The following ITGBL1 variants were observed in gnomAD, a reference collection of about 807,000 sequenced individuals.
ITGBL1 encodes integrin subunit beta like 1.
ITGBL1 carries 51 observed loss-of-function variants against 68.5 expected under a neutral mutation model. That is an observed-to-expected ratio of 0.74 (90% CI 0.59 to 0.94). The LOEUF is 0.94. Ranked by LOEUF, ITGBL1 falls within the 40% of genes least tolerant of loss-of-function variation. ITGBL1 has a pLI of 0.00. For synonymous variants in ITGBL1, 209 were observed against 227.3 expected, an observed-to-expected ratio of 0.92 and a Z score of 0.72; for missense variants, 649 against 647.4, an observed-to-expected ratio of 1.00 and a Z score of -0.03.
At chr13:101,671,439 T>TG (rs2033365283) in intron 7 of ITGBL1, among the ~76,000 whole-genome samples, 1 of 93,496 alleles carries the variant, frequency 1.1e-5, no homozygotes, top group Non-Finnish European at 2.1e-5. Context: ...TTTTTTTTGT[T>TG]TTTTTTTGTT....
chr13:101,714,160 C>A, intron 9 of ITGBL1: 1 of 339,626 alleles, frequency 2.9e-6, no homozygotes, highest in East Asian at 5.1e-5. Flanking sequence ...AAGAATCAAC[C>A]CCATCCTGCT....
At chr13:101,685,785 T>C (rs889713602) in intron 7 of ITGBL1, among the ~76,000 whole-genome samples, 2 of 151,910 alleles carry the variant, frequency 1.3e-5, no homozygotes, top group Non-Finnish European at 2.9e-5. Context: ...GAAAGAAGGT[T>C]CAGGGCTGAG....
intron 2 of ITGBL1, among the ~76,000 whole-genome samples, chr13:101,545,039 G>A (rs1035306783): frequency 2.0e-5 from 3 of 152,078 alleles, no homozygotes; most frequent in Non-Finnish European, 2.9e-5. Flanking sequence ...GCTCACACTC[G>A]GTGCGCTGCA....
At chr13:101,463,032 C>T (rs2048338015) in intron 2 of ITGBL1, among the ~76,000 whole-genome samples, 1 of 152,118 alleles carries the variant, frequency 6.6e-6, no homozygotes, top group Non-Finnish European at 1.5e-5. Context: ...AGGTTACAAC[C>T]TCTGTTTCCT....
intron 7 of ITGBL1, among the ~76,000 whole-genome samples, chr13:101,687,182 GA>G (rs2033773767): frequency 6.6e-6 from 1 of 151,948 alleles, no homozygotes; most frequent in Non-Finnish European, 1.5e-5. Context: ...GCAGACTTTA[GA>G]GACATATATA....
chr13:101,704,394 TA>T (rs1452379999), intron 8 of ITGBL1, among the ~76,000 whole-genome samples: 4 of 149,542 alleles, frequency 2.7e-5, no homozygotes, highest in African/African-American at 9.9e-5. Context: ...GCCCAAAATT[TA>T]ATGGATTTTT....
At chr13:101,655,945 G>A (rs913613038) in intron 7 of ITGBL1, among the ~76,000 whole-genome samples, 2 of 152,084 alleles carry the variant, frequency 1.3e-5, no homozygotes, top group African/African-American at 4.8e-5. Flanking sequence ...AACATGTGTC[G>A]AAGGTACAGC....
intron 7 of ITGBL1, among the ~76,000 whole-genome samples, chr13:101,655,402 G>A (rs1475142584): frequency 5.2e-5 from 1 of 19,112 alleles, no homozygotes; most frequent in African/African-American, 7.8e-5. Flanking sequence ...TCAAATTTAT[G>A]CATTAATTAT....
intron 7 of ITGBL1, among the ~76,000 whole-genome samples, chr13:101,642,261 G>C (rs2032407005): frequency 6.6e-6 from 1 of 152,082 alleles, no homozygotes; most frequent in East Asian, 1.9e-4. Flanking sequence ...CATTCTAACT[G>C]GTGTGAGATG....
intron 6 of ITGBL1, among the ~76,000 whole-genome samples, chr13:101,586,223 C>T (rs972489624): frequency 6.6e-6 from 1 of 152,192 alleles, no homozygotes; most frequent in African/African-American, 2.4e-5. Context: ...CTCACATTTT[C>T]CTTTCTTTCA....
Position 101,634,185 on chromosome 13 carries a change from A to C in ITGBL1, c.1015+35886A>C, listed in dbSNP as rs143753183. On this transcript the variant is annotated intron_variant, in intron 7 of 10. Coordinates refer to ENST00000376180, the MANE Select transcript of ITGBL1 (RefSeq NM_004791.3). ...TATATTTTTAAGAACTGAAAGCAAA[A>C]TGTTCCAGTTAAAAATTTCTACTCT... Among the ~76,000 whole-genome samples the C allele has an allele frequency of 7.4e-3, 1,126 of 152,282 alleles. 7 individuals carry two copies. Among genetic ancestry groups the C allele is most frequent in the South Asian group, 0.016 (79 of 4,828 alleles).
At chr13:101,508,197 TA>T (rs1345045568) in intron 2 of ITGBL1, among the ~76,000 whole-genome samples, 1 of 152,180 alleles carries the variant, frequency 6.6e-6, no homozygotes, top group Non-Finnish European at 1.5e-5. Flanking sequence ...GTAAGCTCCA[TA>T]AAAGCAAGAA....
At chr13:101,496,319 A>G (rs9557678) in intron 2 of ITGBL1, among the ~76,000 whole-genome samples, 23,823 of 152,102 alleles carry the variant, frequency 0.16, 2,335 homozygotes, top group East Asian at 0.45. Flanking sequence ...CAGAGCACAG[A>G]TCTCTGATCC....
At chr13:101,524,414 G>A (rs2049338032) in intron 2 of ITGBL1, among the ~76,000 whole-genome samples, 1 of 148,488 alleles carries the variant, frequency 6.7e-6, no homozygotes. Flanking sequence ...AATTATTCCT[G>A]AATACAAAAC....
chr13:101,454,741 T>C (rs1264668859), intron 2 of ITGBL1, among the ~76,000 whole-genome samples: 1 of 152,198 alleles, frequency 6.6e-6, no homozygotes, highest in Non-Finnish European at 1.5e-5. Flanking sequence ...ATTTGCCCTC[T>C]CATTATTAGA....
chr13:101,542,159 G>T lies in ITGBL1; in HGVS notation c.317-25540G>T, dbSNP rs185956188. Among the ~76,000 whole-genome samples, 396 of 152,130 alleles carry T rather than the reference G, an allele frequency of 2.6e-3. 10 individuals are homozygous for T. In the East Asian group the frequency reaches 0.052, roughly 20 times the overall value. On this transcript the variant is annotated intron_variant, in intron 2 of 10. Coordinates refer to ENST00000376180, the MANE Select transcript of ITGBL1 (RefSeq NM_004791.3). ...TTAATTGTGATGTTAGGGTGTCAAT[G>T]TTAGATCTTTCCTGCTTTCTCTTGT...
intron 3 of ITGBL1, among the ~76,000 whole-genome samples, chr13:101,569,199 C>G (rs2050234050): frequency 6.6e-6 from 1 of 152,020 alleles, no homozygotes; most frequent in Admixed American, 6.6e-5. Context: ...AGTAACAAGA[C>G]TTGAATTCTG....
At chr13:101,572,737 G>A (rs2050293221) in intron 3 of ITGBL1, among the ~76,000 whole-genome samples, 1 of 152,066 alleles carries the variant, frequency 6.6e-6, no homozygotes, top group Non-Finnish European at 1.5e-5. Flanking sequence ...GAATGTTTCC[G>A]ATGTGTGGAT....
At chr13:101,485,430 T>A (rs2048687311) in intron 2 of ITGBL1, among the ~76,000 whole-genome samples, 1 of 151,832 alleles carries the variant, frequency 6.6e-6, no homozygotes, top group Non-Finnish European at 1.5e-5. Flanking sequence ...AACAAACATA[T>A]GAAAAAATGC....
Sources: gnomAD v4.1 joint callset for allele counts (sites outside exome capture counted in the v4.1 genomes callset) on GRCh38, gnomAD v4.1.1 for gene constraint, MANE v1.5 for transcripts, NCBI Gene and HGNC (gene_info 2026-07-23, HGNC 2026-07-21) for gene names.